Variants in SYNE2 observed in about 807,000 individuals in gnomAD.
SYNE2 encodes nesprin-2.
SYNE2 carries 431 observed loss-of-function variants against 856.3 expected under a neutral mutation model. That is an observed-to-expected ratio of 0.50 (90% confidence interval 0.47 to 0.55). The LOEUF (loss-of-function observed/expected upper bound fraction) is 0.55. Among genes scored for constraint, SYNE2 ranks in the 20% least tolerant of loss-of-function variants. SYNE2 has a pLI of 0.00. For synonymous variants in SYNE2, 2,923 were observed against 2,872.3 expected, an observed-to-expected ratio of 1.02 and a Z score of -0.56; for missense variants, 8,129 against 8,023.2, an observed-to-expected ratio of 1.01 and a Z score of -0.50.
chr14:64,120,136 C>T (rs2097887150), intron 67 of SYNE2, among the ~76,000 whole-genome samples: 1 of 152,082 alleles, frequency 6.6e-6, no homozygotes, highest in Non-Finnish European at 1.5e-5. Context: ...GTAGATCTTA[C>T]TATAAAAGAT....
intron 44 of SYNE2, 79 bp from the exon 45 acceptor site, chr14:64,030,937 A>G: frequency 1.8e-6 from 2 of 1,105,758 alleles, no homozygotes; most frequent in Non-Finnish European, 2.8e-6. Flanking sequence ...GTGAAGCAAG[A>G]GTACTCTGTG....
intron 79 of SYNE2, 130 bp downstream of exon 79, chr14:64,138,113 GGGT>G (rs2098111067): frequency 2.0e-6 from 2 of 1,003,914 alleles, no homozygotes; most frequent in Non-Finnish European, 3.0e-6. Flanking sequence ...TAAAGCAGTT[GGGT>G]CCCTCTTCTG....
At chr14:64,019,771 C>A (rs2096922664) in intron 34 of SYNE2, among the ~76,000 whole-genome samples, 1 of 152,144 alleles carries the variant, frequency 6.6e-6, no homozygotes, top group African/African-American at 2.4e-5. Flanking sequence ...ACAGGCCTAG[C>A]CTTTCTCTTG....
At chr14:63,936,766 C>A (rs2095838602) in intron 2 of SYNE2, among the ~76,000 whole-genome samples, 1 of 152,106 alleles carries the variant, frequency 6.6e-6, no homozygotes, top group Admixed American at 6.5e-5. Context: ...TCACTGCCTG[C>A]TGTGCTGAGC....
intron 112 of SYNE2, 77 bp from the exon 113 acceptor site, chr14:64,223,112 A>G (rs2098702512): frequency 6.7e-6 from 10 of 1,497,022 alleles, no homozygotes; most frequent in Middle Eastern, 4.1e-4. Context: ...TTTTTCTGGT[A>G]CTGAGAAAAA....
In SYNE2 at chr14:64,025,110, G is replaced by A. The variant is rs2153538024; in HGVS notation, c.5961-20G>A. Reference sequence around the variant, plus strand: ...GTGTGGTTACTCCTATAAACTTTAAGTGGTATTTGGAATTTACAGGGAACA... The same window carrying A: ...GTGTGGTTACTCCTATAAACTTTAAATGGTATTTGGAATTTACAGGGAACA... On this transcript the variant is annotated intron_variant, in intron 40 of 115. Transcript: ENST00000555002. 6.2e-7 allele frequency: 1 copy of A among 1,614,026 alleles called. No individual in the cohort carries two copies. Among genetic ancestry groups the A allele is most frequent in the Non-Finnish European group, 8.5e-7 (1 of 1,179,962 alleles).
chr14:64,099,631 C>T (rs1381280903), intron 63 of SYNE2: 1 of 152,128 alleles, frequency 6.6e-6, no homozygotes, highest in Non-Finnish European at 1.5e-5. Flanking sequence ...AAAAGAGTGA[C>T]TTCAGTACGA....
At chr14:64,081,310 C>T (rs912621696) in intron 56 of SYNE2, 133 bp from the exon 57 acceptor site, 1 of 1,059,482 alleles carries the variant, frequency 9.4e-7, no homozygotes, top group African/African-American at 1.6e-5. Flanking sequence ...GAATAAGTAG[C>T]CCCAGCCATG....
intron 1 of SYNE2, among the ~76,000 whole-genome samples, chr14:63,825,872 C>CA (rs930768419): frequency 8.6e-5 from 13 of 150,912 alleles, no homozygotes; most frequent in African/African-American, 2.7e-4. Flanking sequence ...GACTCTGTCT[C>CA]AAAAAAAAGA....
At position 64,203,106 on chromosome 14, in the gene SYNE2, T is replaced by C. The variant is rs2098584302; in HGVS notation, c.18201+143T>C. 3 of 1,085,138 alleles carry C rather than the reference T, an allele frequency of 2.8e-6. No homozygotes were observed. The South Asian group carries it at 4.1e-5, about 15-fold the overall frequency. The allele number at this position is 1,085,138 out of a possible 1,614,324, so 67.2% of individuals were successfully genotyped here. ...CTTTTTCCAGAGAAAACTGACCACCTTTCCATGTTCTTATATCTGTCTCTT... is the reference window on the plus strand; with the variant it reads ...CTTTTTCCAGAGAAAACTGACCACCCTTCCATGTTCTTATATCTGTCTCTT... On this transcript the variant is annotated intron_variant, in intron 100 of 115. Coordinates refer to ENST00000555002, the MANE Select transcript of SYNE2 (RefSeq NM_182914.3).
chr14:63,808,981 C>T (rs1262722483), intron 1 of SYNE2, among the ~76,000 whole-genome samples: 1 of 152,146 alleles, frequency 6.6e-6, no homozygotes, highest in Non-Finnish European at 1.5e-5. Flanking sequence ...TGAGATCGCA[C>T]CACTGCACTC....
At chr14:64,215,486 T>A in intron 107 of SYNE2, 132 bp downstream of exon 107, 1 of 923,290 alleles carries the variant, frequency 1.1e-6, no homozygotes, top group East Asian at 2.4e-5. Context: ...TGTGTCATGG[T>A]GTATTTACAC....
chr14:63,938,210 A>G, intron 2 of SYNE2, among the ~76,000 whole-genome samples: 1 of 152,140 alleles, frequency 6.6e-6, no homozygotes, highest in East Asian at 1.9e-4. Flanking sequence ...TAATCCCAGC[A>G]CTTTGGGAGG....
At position 63,898,526 on chromosome 14, in the gene SYNE2, A is replaced by C. The variant is rs149472347; in HGVS notation, c.-51-10572A>C. On this transcript the variant is annotated intron_variant, in intron 1 of 115. Coordinates refer to ENST00000555002, the MANE Select transcript of SYNE2 (RefSeq NM_182914.3). ...CTCAAGCGATCCACCCGCCACAGCC[A>C]CCCGAGTAGCTGGGACTACAGGCGC... Among the ~76,000 whole-genome samples the C allele has an allele frequency of 5.2e-3, 788 of 151,776 alleles. 3 individuals carry two copies. The highest frequency in any genetic ancestry group is 0.018 in the African/African-American group (742 of 41,396).
rs879224155 is a variant in SYNE2, at chr14:64,162,463, G to A, written c.16299+187G>A. 110 of 670,850 alleles carry A rather than the reference G, an allele frequency of 1.6e-4. 4 individuals carry two copies. Among genetic ancestry groups the A allele is most frequent in the South Asian group, 1.6e-3 (102 of 63,344 alleles). 41.6% of individuals were successfully genotyped at this position (670,850 alleles called of 1,614,324 possible). A position where few individuals can be genotyped will look rare whatever the true frequency, so the allele number is the denominator to read the frequency against. ...GTGGTGGCTCAGAGGTGACGTCTAG[G>A]CAGCAAATAGCTGGATCAGGGGGAC... On this transcript the variant is annotated intron_variant, in intron 88 of 115. Coordinates refer to ENST00000555002, the MANE Select transcript of SYNE2 (RefSeq NM_182914.3).
At chr14:63,796,687 C>A (rs1395601734) in intron 1 of SYNE2, among the ~76,000 whole-genome samples, 1 of 150,544 alleles carries the variant, frequency 6.6e-6, no homozygotes, top group Non-Finnish European at 1.5e-5. Flanking sequence ...CGGCAGGAGG[C>A]AATATATATA....
chr14:64,179,294 G>A (rs2098447920), intron 96 of SYNE2, among the ~76,000 whole-genome samples: 1 of 152,082 alleles, frequency 6.6e-6, no homozygotes, highest in East Asian at 1.9e-4. Flanking sequence ...GTGCCATCAG[G>A]CCTGGCTAAT....
intron 1 of SYNE2, among the ~76,000 whole-genome samples, chr14:63,885,069 C>A (rs12883297): frequency 6.6e-6 from 1 of 152,094 alleles, no homozygotes; most frequent in Admixed American, 6.6e-5. Flanking sequence ...TGGGAGTGAC[C>A]GCTTTAGCCA....
intron 94 of SYNE2, 21 bp from the exon 95 acceptor site, chr14:64,174,923 T>A: frequency 6.2e-7 from 1 of 1,610,808 alleles, no homozygotes; most frequent in Non-Finnish European, 8.5e-7. Flanking sequence ...CTAAGCAAAT[T>A]ACTTCTCTTT....
Sources: allele counts gnomAD v4.1 joint callset (sites outside exome capture counted in the v4.1 genomes callset), GRCh38; gene constraint gnomAD v4.1.1; transcripts MANE v1.5; gene names NCBI Gene and HGNC (gene_info 2026-07-23, HGNC 2026-07-21).